PLCL1: variants seen among roughly 807,000 people sequenced by gnomAD.
The protein encoded by PLCL1 is inactive phospholipase C-like protein 1.
Under a neutral mutation model 84.4 loss-of-function variants are expected in PLCL1, and 41 were observed. The ratio of observed to expected loss-of-function variants is 0.49; its 90% CI spans 0.38 to 0.63. PLCL1 has a LOEUF of 0.63. Ranked by LOEUF, PLCL1 falls within the 30% of genes least tolerant of loss-of-function variation. The pLI is 0.00. For synonymous variants in PLCL1, 490 were observed against 488.3 expected, an observed-to-expected ratio of 1.00 and a Z score of -0.05; for missense variants, 1,206 against 1,367.8, an observed-to-expected ratio of 0.88 and a Z score of 1.87.
intron 1 of PLCL1, among the ~76,000 whole-genome samples, chr2:197,985,633 T>G (rs972020569): frequency 2.0e-5 from 3 of 152,230 alleles, no homozygotes; most frequent in Admixed American, 2.0e-4. Flanking sequence ...AAAGTTGTTT[T>G]ATTGCAGTTC....
At chr2:197,923,873 G>GC (rs919470036) in intron 1 of PLCL1, among the ~76,000 whole-genome samples, 1 of 151,198 alleles carries the variant, frequency 6.6e-6, no homozygotes, top group African/African-American at 2.4e-5. Flanking sequence ...GCACCATTGA[G>GC]CACTGAGTGA....
intron 1 of PLCL1, among the ~76,000 whole-genome samples, chr2:197,993,689 A>G (rs1184490501): frequency 1.3e-5 from 2 of 152,096 alleles, no homozygotes; most frequent in Non-Finnish European, 2.9e-5. Flanking sequence ...CTTCTCTAGA[A>G]CCTGTGCTAA....
intron 5 of PLCL1, among the ~76,000 whole-genome samples, chr2:198,106,966 A>G (rs1693491087): frequency 6.6e-6 from 1 of 151,442 alleles, no homozygotes; most frequent in Admixed American, 6.6e-5. Flanking sequence ...CTCCTCTAAA[A>G]CTCCATCCAT....
At chr2:198,091,234 C>T (rs914545291) in intron 3 of PLCL1, among the ~76,000 whole-genome samples, 2 of 152,140 alleles carry the variant, frequency 1.3e-5, no homozygotes, top group Non-Finnish European at 2.9e-5. Flanking sequence ...GGGACAGATA[C>T]ATGTAATGAT....
At chr2:198,066,883 A>T (rs988301099) in intron 1 of PLCL1, among the ~76,000 whole-genome samples, 4 of 152,136 alleles carry the variant, frequency 2.6e-5, no homozygotes, top group Non-Finnish European at 5.9e-5. Context: ...AGTCTAAATT[A>T]GTTCCCCTCT....
chr2:197,950,920 A>G (rs1221796964), intron 1 of PLCL1, among the ~76,000 whole-genome samples: 1 of 152,156 alleles, frequency 6.6e-6, no homozygotes, highest in Non-Finnish European at 1.5e-5. Context: ...GACACCTAGA[A>G]TAGCAGGAAA....
chr2:197,932,557 C>G (rs1317150409), intron 1 of PLCL1, among the ~76,000 whole-genome samples: 1 of 152,086 alleles, frequency 6.6e-6, no homozygotes, highest in African/African-American at 2.4e-5. Context: ...GTGTGCTGTT[C>G]CCCTCCCTGT....
At chr2:197,979,960 A>G (rs1331307895) in intron 1 of PLCL1, among the ~76,000 whole-genome samples, 1 of 152,160 alleles carries the variant, frequency 6.6e-6, no homozygotes, top group Non-Finnish European at 1.5e-5. Context: ...GAATTAAGTG[A>G]CCTAGAAACC....
chr2:198,085,266 G>A lies in PLCL1; in HGVS notation c.1749G>A (p.Arg583=). The change falls in exon 2 of 6, where the codon AGG becomes AGA. Residue 583 remains arginine (R), a synonymous_variant. Transcript: ENST00000428675. This position sits in a 1 kb window ranked among gnomAD's most constrained non-coding sequence, Gnocchi z 5.3. ...AGCAGAAGCAAATCCGACTCTGTAGGGAGCTCTCTGATTTGGTGTCTATTT... is the reference window on the plus strand; with the variant it reads ...AGCAGAAGCAAATCCGACTCTGTAGAGAGCTCTCTGATTTGGTGTCTATTT... ...NGEQKQIRLC[R]ELSDLVSICK... The A allele has an allele frequency of 6.2e-7, 1 of 1,613,866 alleles. No homozygotes were observed. The highest frequency in any genetic ancestry group is 2.2e-5 in the East Asian group (1 of 44,896).
intron 1 of PLCL1, among the ~76,000 whole-genome samples, chr2:198,080,578 C>T (rs1574296010): frequency 6.6e-6 from 1 of 152,164 alleles, no homozygotes; most frequent in Non-Finnish European, 1.5e-5. Flanking sequence ...GAAAGAACAG[C>T]GTGATTGCTC....
chr2:198,085,355 G>A lies in PLCL1; in HGVS notation c.1838G>A (p.Cys613Tyr). The A allele has an allele frequency of 6.2e-7, 1 of 1,612,588 alleles. No individual in the cohort carries two copies. Among genetic ancestry groups the A allele is most frequent in the Non-Finnish European group, 8.5e-7 (1 of 1,178,970 alleles). ...SMKSQNYWEM[C>Y]SFSETEASRI... ...AAAAGCCAAAACTATTGGGAAATGT[G>A]TTCATTTAGTGAAACAGAGGCCAGC... The change falls in exon 2 of 6, where the codon TGT becomes TAT. Residue 613 changes from cysteine to tyrosine, a missense_variant. By Grantham distance (194) the Cys-to-Tyr change is radical. Coordinates refer to ENST00000428675, the MANE Select transcript of PLCL1 (RefSeq NM_006226.4). This position sits in a 1 kb window ranked among gnomAD's most constrained non-coding sequence, Gnocchi z 5.3.
intron 1 of PLCL1, among the ~76,000 whole-genome samples, chr2:197,944,391 T>A (rs922430056): frequency 6.6e-5 from 10 of 152,172 alleles, no homozygotes; most frequent in African/African-American, 2.2e-4. Flanking sequence ...GCCCTCCTTT[T>A]TGACTGCTGT....
intron 1 of PLCL1, among the ~76,000 whole-genome samples, chr2:197,830,299 A>G (rs943311762): frequency 6.6e-6 from 1 of 152,060 alleles, no homozygotes; most frequent in Non-Finnish European, 1.5e-5. Flanking sequence ...ATTGCTAACT[A>G]GAATAACCAG....
chr2:198,095,516 T>G lies in PLCL1; in HGVS notation c.2920-5769T>G, dbSNP rs140306133. ...GATGTTTAATTTGATAAACATTTTC[T>G]GAACTCCTTTTAATGTGCAAGCCAC... On this transcript the variant is annotated intron_variant, in intron 3 of 5. Transcript: ENST00000428675. Among the ~76,000 whole-genome samples, 777 of 152,356 alleles carry G rather than the reference T, an allele frequency of 5.1e-3. 4 individuals carry two copies. Among genetic ancestry groups the G allele is most frequent in the Non-Finnish European group, 8.4e-3 (570 of 68,038 alleles).
In PLCL1 at chr2:198,088,935, A is replaced by C; in HGVS notation, c.2793A>C (p.Ser931=). The C allele has an allele frequency of 2.5e-6, 4 of 1,612,922 alleles. No homozygotes were observed. The highest frequency in any genetic ancestry group is 3.4e-6 in the Non-Finnish European group (4 of 1,178,930). Residue 931 remains serine, a synonymous_variant, in exon 3 of 6, where the codon TCA becomes TCC. Transcript: ENST00000428675. ...ASLKQCLLTL[S]SRLITSDNTP... ...TGAAGCAGTGCCTGTTAACTCTGTC[A>C]TCTCGGCTCATCACCAGTGACAATA...
At chr2:197,982,642 T>G (rs547421802) in intron 1 of PLCL1, among the ~76,000 whole-genome samples, 2 of 152,334 alleles carry the variant, frequency 1.3e-5, no homozygotes, top group South Asian at 4.1e-4. Flanking sequence ...CACTTACATA[T>G]GTAAACTTTA....
chr2:197,860,276 A>G (rs1454411248), intron 1 of PLCL1, among the ~76,000 whole-genome samples: 2 of 152,108 alleles, frequency 1.3e-5, no homozygotes, highest in African/African-American at 2.4e-5. Flanking sequence ...CCAGTCTACC[A>G]GTGATGGGCA....
At chr2:198,018,373 C>A (rs987780529) in intron 1 of PLCL1, among the ~76,000 whole-genome samples, 1 of 152,130 alleles carries the variant, frequency 6.6e-6, no homozygotes, top group Non-Finnish European at 1.5e-5. Flanking sequence ...GGAACACCAG[C>A]GAGACAGAAC....
At chr2:197,863,124 A>G (rs925897163) in intron 1 of PLCL1, among the ~76,000 whole-genome samples, 2 of 149,102 alleles carry the variant, frequency 1.3e-5, no homozygotes, top group Non-Finnish European at 3.0e-5. Context: ...CTGGGTAAAT[A>G]TAGATAAGAG....
Sources: allele counts gnomAD v4.1 joint callset (sites outside exome capture counted in the v4.1 genomes callset), GRCh38; gene constraint gnomAD v4.1.1; non-coding constraint Gnocchi (gnomAD v3.1); transcripts MANE v1.5; gene names NCBI Gene and HGNC (gene_info 2026-07-23, HGNC 2026-07-21).